The following TCTN1 variants were observed in gnomAD, a reference collection of about 807,000 sequenced individuals.
TCTN1 encodes tectonic family member 1, also known as tectonic-1.
TCTN1 carries 58 observed loss-of-function variants against 65.8 expected under a neutral mutation model. The ratio of observed to expected loss-of-function variants is 0.88; its 90% confidence interval spans 0.71 to 1.10. TCTN1 has a LOEUF of 1.10. Among genes scored for constraint, TCTN1 ranks in the 50% least tolerant of loss-of-function variants. The pLI is 0.00. For synonymous variants in TCTN1, 273 were observed against 289.1 expected, an observed-to-expected ratio of 0.94 and a Z score of 0.57; for missense variants, 645 against 719.4, an observed-to-expected ratio of 0.90 and a Z score of 1.18.
chr12:110,632,362 C>A, intron 4 of TCTN1, 110 bp from the exon 5 acceptor site: 1 of 1,091,710 alleles, frequency 9.2e-7, no homozygotes, highest in Non-Finnish European at 1.4e-6. Context: ...TTTTGCTCAT[C>A]AGTGTGTCTC....
chr12:110,627,931 C>A, intron 3 of TCTN1: 2 of 1,020,736 alleles, frequency 2.0e-6, no homozygotes, highest in Non-Finnish European at 2.9e-6. Flanking sequence ...TGAAAACAGG[C>A]AGATGCTCTG....
At chr12:110,647,391 C>G (rs1239272032) in intron 13 of TCTN1, 55 bp downstream of exon 13, 1 of 1,604,338 alleles carries the variant, frequency 6.2e-7, no homozygotes, top group Admixed American at 1.7e-5. Context: ...AGACACAACT[C>G]AAGTGTGGTA....
In TCTN1 at chr12:110,614,295, C is replaced by G. The variant is rs1414721255; in HGVS notation, c.113C>G (p.Thr38Ser). The G allele has an allele frequency of 3.1e-6, 5 of 1,598,964 alleles. No homozygotes were observed. Among genetic ancestry groups the G allele is most frequent in the South Asian group, 1.1e-5 (1 of 88,618 alleles). Residue 38 changes from threonine (T) to serine (S), a missense_variant, in exon 1 of 15, where the codon ACC (threonine) becomes AGC (serine). Coordinates refer to ENST00000397659, the MANE Select transcript of TCTN1 (RefSeq NM_001082538.3). ...GTGACGACAGAGGGCCTCAACTCCA[C>G]CGAGGCAGCCCTGGCCACCTTCGGA... is the stretch of plus-strand genomic sequence containing the variant. ...PAVTTEGLNS[T>S]EAALATFGTF...
At chr12:110,627,937 C>A in intron 3 of TCTN1, 2 of 1,088,998 alleles carry the variant, frequency 1.8e-6, no homozygotes, top group Non-Finnish European at 2.7e-6. Context: ...CAGGCAGATG[C>A]TCTGTGTGAT....
At chr12:110,614,698 T>C (rs1014009116) in intron 1 of TCTN1, among the ~76,000 whole-genome samples, 3 of 152,182 alleles carry the variant, frequency 2.0e-5, no homozygotes, top group African/African-American at 7.2e-5. Flanking sequence ...TAATGAATTC[T>C]TGCAGCCCAA....
chr12:110,641,184 G>A (rs756904550), intron 9 of TCTN1, 35 bp downstream of exon 9: 2 of 1,613,770 alleles, frequency 1.2e-6, no homozygotes, highest in Non-Finnish European at 1.7e-6. Flanking sequence ...GTATTTAATT[G>A]CCAAGTTAAA....
chr12:110,646,020 G>C (rs981331969), intron 12 of TCTN1: 2 of 152,162 alleles, frequency 1.3e-5, no homozygotes, highest in African/African-American at 4.8e-5. Context: ...CTGGCTTCTT[G>C]GCCATGGGTG....
intron 4 of TCTN1, among the ~76,000 whole-genome samples, chr12:110,631,151 A>T (rs1378097156): frequency 6.6e-6 from 1 of 152,008 alleles, no homozygotes; most frequent in Non-Finnish European, 1.5e-5. Context: ...ATTTTTGTAG[A>T]GATGGGGTTT....
chr12:110,631,928 C>T lies in TCTN1; in HGVS notation c.625-544C>T, dbSNP rs143396156. Reference sequence around the variant, plus strand: ...AGTGGAAGGAGTTGTTTCCCATACTCCTGCTGGCACTAAAGCATTTGGATA... The same window carrying T: ...AGTGGAAGGAGTTGTTTCCCATACTTCTGCTGGCACTAAAGCATTTGGATA... On this transcript the variant is annotated intron_variant, in intron 4 of 14. Transcript: ENST00000397659. Among the ~76,000 whole-genome samples the T allele has an allele frequency of 9.1e-4, 138 of 152,244 alleles. 1 individual carries two copies. The highest frequency in any genetic ancestry group is 3.4e-3 in the Middle Eastern group (1 of 294).
intron 4 of TCTN1, among the ~76,000 whole-genome samples, chr12:110,631,067 A>C (rs947045980): frequency 6.6e-6 from 1 of 152,246 alleles, no homozygotes; most frequent in African/African-American, 2.4e-5. Context: ...CTCAGGTTCA[A>C]GCAATTCTCC....
intron 1 of TCTN1, among the ~76,000 whole-genome samples, chr12:110,615,524 A>G (rs2064977030): frequency 6.6e-6 from 1 of 152,180 alleles, no homozygotes; most frequent in Non-Finnish European, 1.5e-5. Flanking sequence ...TCTGTTACCC[A>G]GGCTGGAGTG....
intron 4 of TCTN1, among the ~76,000 whole-genome samples, chr12:110,632,098 A>G (rs1435440078): frequency 6.6e-6 from 1 of 152,192 alleles, no homozygotes; most frequent in Non-Finnish European, 1.5e-5. Flanking sequence ...GATTTTTATG[A>G]TTTTAATGTA....
At chr12:110,642,990 A>T (rs2067062592) in intron 11 of TCTN1, among the ~76,000 whole-genome samples, 1 of 152,100 alleles carries the variant, frequency 6.6e-6, no homozygotes, top group Non-Finnish European at 1.5e-5. Flanking sequence ...TCCTGACCTC[A>T]GGTGATCTGC....
chr12:110,618,534 C>T (rs1246471043), intron 1 of TCTN1, among the ~76,000 whole-genome samples: 1 of 152,072 alleles, frequency 6.6e-6, no homozygotes, highest in Admixed American at 6.6e-5. Flanking sequence ...CCACCGCGCC[C>T]AGCCTAATTT....
intron 14 of TCTN1, among the ~76,000 whole-genome samples, chr12:110,648,492 C>T (rs2067548396): frequency 6.6e-6 from 1 of 152,118 alleles, no homozygotes; most frequent in Non-Finnish European, 1.5e-5. Flanking sequence ...GGGATTTGGC[C>T]AGTTCATTCA....
chr12:110,630,036 A>G (rs2066129656), intron 4 of TCTN1: 1 of 152,150 alleles, frequency 6.6e-6, no homozygotes, highest in African/African-American at 2.4e-5. Context: ...GAACACATGG[A>G]CACAGGGAGG....
chr12:110,630,402 A>T (rs2066157691), intron 4 of TCTN1: 1 of 152,192 alleles, frequency 6.6e-6, no homozygotes, highest in Non-Finnish European at 1.5e-5. Flanking sequence ...TTGTCTGGTC[A>T]TCTTCTCAAA....
intron 7 of TCTN1, among the ~76,000 whole-genome samples, chr12:110,637,038 G>C (rs901811614): frequency 1.3e-5 from 2 of 152,228 alleles, no homozygotes; most frequent in Non-Finnish European, 2.9e-5. Flanking sequence ...TATGTCAGAA[G>C]GAATGTGGAT....
intron 10 of TCTN1, 196 bp from the exon 11 acceptor site, chr12:110,642,053 T>A: frequency 1.5e-6 from 1 of 659,182 alleles, no homozygotes; most frequent in Non-Finnish European, 2.6e-6. Context: ...TTCTGAGAAT[T>A]TTTCTTCTGA....
Sources: gnomAD v4.1 joint callset for allele counts (sites outside exome capture counted in the v4.1 genomes callset) on GRCh38, gnomAD v4.1.1 for gene constraint, MANE v1.5 for transcripts, NCBI Gene and HGNC (gene_info 2026-07-23, HGNC 2026-07-21) for gene names.